LRRC4C: variants seen among roughly 807,000 people sequenced by gnomAD.
LRRC4C encodes leucine-rich repeat-containing protein 4C.
Under a neutral mutation model 33.6 loss-of-function variants are expected in LRRC4C, and 5 were observed. The ratio of observed to expected loss-of-function variants is 0.15; its 90% CI spans 0.08 to 0.31. The LOEUF is 0.31. LRRC4C is among the 10% of genes least tolerant of loss of function. The pLI is 1.00. For synonymous variants in LRRC4C, 329 were observed against 302.0 expected (o/e 1.09, Z -0.93); for missense variants, 560 against 796.7 (o/e 0.70, Z 3.58).
chr11:40,752,494 A>T (rs1403052084), intron 2 of LRRC4C, among the ~76,000 whole-genome samples: 1 of 152,018 alleles, frequency 6.6e-6, no homozygotes. Flanking sequence ...CAGGTATATT[A>T]AAAAAACTTA....
chr11:41,187,192 AG>A (rs745921849), intron 1 of LRRC4C, among the ~76,000 whole-genome samples: 43 of 152,200 alleles, frequency 2.8e-4, no homozygotes, highest in Non-Finnish European at 4.7e-4. Flanking sequence ...GACGAAGGTG[AG>A]GACAGGCACT....
chr11:40,502,202 A>G (rs1565452443), intron 3 of LRRC4C, among the ~76,000 whole-genome samples: 1 of 152,174 alleles, frequency 6.6e-6, no homozygotes, highest in Non-Finnish European at 1.5e-5. Flanking sequence ...AAGCCATTCA[A>G]CAAGTCTCTA....
intron 1 of LRRC4C, among the ~76,000 whole-genome samples, chr11:40,974,980 G>A (rs1332501896): frequency 1.3e-5 from 2 of 152,106 alleles, no homozygotes; most frequent in African/African-American, 4.8e-5. Context: ...GTTTTGAGGT[G>A]TCTCAACTCG....
intron 2 of LRRC4C, among the ~76,000 whole-genome samples, chr11:40,851,229 C>A (rs1198120074): frequency 6.6e-6 from 1 of 151,994 alleles, no homozygotes; most frequent in Non-Finnish European, 1.5e-5. Context: ...CAATCAGCCA[C>A]CCAGTTTTGT....
intron 3 of LRRC4C, among the ~76,000 whole-genome samples, chr11:40,458,889 G>A (rs962277975): frequency 1.3e-5 from 2 of 152,104 alleles, no homozygotes; most frequent in African/African-American, 4.8e-5. Context: ...ACTACAATAT[G>A]TCTTGCTAAG....
intron 3 of LRRC4C, among the ~76,000 whole-genome samples, chr11:40,552,342 T>TG (rs990084276): frequency 1.3e-5 from 2 of 152,108 alleles, no homozygotes; most frequent in African/African-American, 4.8e-5. Flanking sequence ...GCCAACTGAG[T>TG]GGGAATTCGA....
chr11:41,304,593 C>A (rs1372860594), intron 1 of LRRC4C, among the ~76,000 whole-genome samples: 8 of 65,580 alleles, frequency 1.2e-4, no homozygotes, highest in South Asian at 7.8e-4. Context: ...GCCCCCCGCC[C>A]GGCCAGCCGC....
chr11:41,099,527 G>T (rs1038877494), intron 1 of LRRC4C, among the ~76,000 whole-genome samples: 4 of 152,104 alleles, frequency 2.6e-5, no homozygotes, highest in African/African-American at 9.7e-5. Context: ...GGGATGAAAG[G>T]TTGGTTCAAC....
rs564774242 is a variant in LRRC4C at position 40,599,752 on chromosome 11, G to A, written c.-270+48390C>T. 1.4e-4 allele frequency among the ~76,000 whole-genome samples: 21 copies of A among 152,290 alleles called. No individual in the cohort carries two copies. The South Asian group carries it at 4.3e-3, about 32-fold the overall frequency. ...AATGAATGAAGGAATATGGATAGAA[G>A]AGGTACTTAAGATTTCCAAAAGGAC... On this transcript the variant is annotated intron_variant, in intron 3 of 6. Coordinates refer to ENST00000528697, the MANE Select transcript of LRRC4C (RefSeq NM_001258419.2).
chr11:40,579,469 G>A (rs1345267739), intron 3 of LRRC4C, among the ~76,000 whole-genome samples: 2 of 110,032 alleles, frequency 1.8e-5, no homozygotes, highest in African/African-American at 3.0e-5. Context: ...GTTTTTGTTT[G>A]TATTTTATAG....
chr11:41,211,110 G>A (rs540555604), intron 1 of LRRC4C, among the ~76,000 whole-genome samples: 1 of 152,166 alleles, frequency 6.6e-6, no homozygotes, highest in Non-Finnish European at 1.5e-5. Flanking sequence ...GTACAAGTCT[G>A]TGGCCCCAGG....
chr11:40,988,638 G>A (rs1015456849), intron 1 of LRRC4C, among the ~76,000 whole-genome samples: 4 of 151,704 alleles, frequency 2.6e-5, no homozygotes, highest in Non-Finnish European at 4.4e-5. Context: ...GCAATGAAGA[G>A]GTAATGCCTA....
intron 1 of LRRC4C, among the ~76,000 whole-genome samples, chr11:41,121,089 GACT>G (rs1227284071): frequency 1.3e-5 from 2 of 152,102 alleles, no homozygotes; most frequent in Non-Finnish European, 2.9e-5. Context: ...TGTAAAAACA[GACT>G]AATAAACTAA....
rs569577205 is a variant in LRRC4C at position 40,254,130 on chromosome 11, GGT to G, written c.-175-12534_-175-12533del. 7.9e-5 allele frequency among the ~76,000 whole-genome samples: 12 copies of G among 152,256 alleles called. No individual in the cohort carries two copies. The South Asian group carries it at 2.5e-3, about 32-fold the overall frequency. ...TCCTTGCAGGTAACACTTGAATCCT[GGT>G]TGTGTGCCCAGAAAGGTGTGGCAAT... On this transcript the variant is annotated intron_variant, in intron 4 of 6. Coordinates refer to ENST00000528697, the MANE Select transcript of LRRC4C (RefSeq NM_001258419.2).
intron 1 of LRRC4C, among the ~76,000 whole-genome samples, chr11:41,191,078 G>C (rs1399330721): frequency 2.6e-5 from 4 of 152,060 alleles, no homozygotes; most frequent in Admixed American, 6.6e-5. Flanking sequence ...CTCTTTAAGG[G>C]CAAAGTGTTT....
At chr11:40,923,758 C>A (rs370021401) in intron 2 of LRRC4C, among the ~76,000 whole-genome samples, 16 of 152,024 alleles carry the variant, frequency 1.1e-4, no homozygotes, top group African/African-American at 1.9e-4. Context: ...ATGTCCTTGG[C>A]TGAATAGACA....
intron 1 of LRRC4C, among the ~76,000 whole-genome samples, chr11:40,960,546 C>T (rs1235390357): frequency 6.6e-6 from 1 of 151,692 alleles, no homozygotes; most frequent in East Asian, 1.9e-4. Flanking sequence ...CCTCTGCATA[C>T]ACAAGATGAT....
At chr11:40,642,127 A>C (rs12808435) in intron 3 of LRRC4C, among the ~76,000 whole-genome samples, 55,447 of 151,354 alleles carry the variant, frequency 0.37, 10,269 homozygotes, top group South Asian at 0.4. Context: ...TCTATATGGT[A>C]TAATATGAAG....
At chr11:40,511,750 T>C (rs12575463) in intron 3 of LRRC4C, among the ~76,000 whole-genome samples, 16,843 of 152,170 alleles carry the variant, frequency 0.11, 1,004 homozygotes, top group Middle Eastern at 0.16. Flanking sequence ...TCCAGAAGAA[T>C]TGCTTCTGGG....
Sources: allele counts gnomAD v4.1 joint callset (sites outside exome capture counted in the v4.1 genomes callset), GRCh38; gene constraint gnomAD v4.1.1; transcripts MANE v1.5; gene names NCBI Gene and HGNC (gene_info 2026-07-23, HGNC 2026-07-21).